CDKAL1: variants seen among roughly 807,000 people sequenced by gnomAD.
The protein encoded by CDKAL1 is CDKAL1 threonylcarbamoyladenosine tRNA methylthiotransferase, also known as threonylcarbamoyladenosine tRNA methylthiotransferase.
Under a neutral mutation model 68.2 loss-of-function variants are expected in CDKAL1, and 32 were observed. The ratio of observed to expected loss-of-function variants is 0.47; its 90% CI spans 0.35 to 0.63. CDKAL1 has a LOEUF of 0.63. CDKAL1 is among the 30% of genes least tolerant of loss of function. The probability of loss-of-function intolerance (pLI) is 0.00; values close to 1 mark genes in which losing one functional copy is unlikely to be tolerated. For synonymous variants in CDKAL1, 234 were observed against 244.3 expected (o/e 0.96, Z 0.39); for missense variants, 606 against 696.7 (o/e 0.87, Z 1.47).
chr6:20,935,284 C>T (rs949962740), intron 9 of CDKAL1, among the ~76,000 whole-genome samples: 1 of 152,066 alleles, frequency 6.6e-6, no homozygotes. Flanking sequence ...GAACTTTTAG[C>T]CTTCTCTAAG....
At chr6:21,196,938 A>G (rs1276170044) in intron 13 of CDKAL1, among the ~76,000 whole-genome samples, 1 of 152,130 alleles carries the variant, frequency 6.6e-6, no homozygotes, top group African/African-American at 2.4e-5. Flanking sequence ...CAGGCGGATC[A>G]CCTGAGGTCA....
intron 13 of CDKAL1, among the ~76,000 whole-genome samples, chr6:21,172,214 A>C (rs1444539524): frequency 1.3e-5 from 2 of 152,168 alleles, no homozygotes; most frequent in African/African-American, 4.8e-5. Flanking sequence ...CACTTGGTCA[A>C]AGTGGTATCA....
intron 8 of CDKAL1, among the ~76,000 whole-genome samples, chr6:20,838,499 C>T (rs1452625384): frequency 2.6e-5 from 4 of 152,188 alleles, no homozygotes; most frequent in Non-Finnish European, 4.4e-5. Context: ...AAAATAACAA[C>T]GAAGGTGGAA....
chr6:20,939,092 A>G (rs1763857321), intron 9 of CDKAL1, among the ~76,000 whole-genome samples: 1 of 152,168 alleles, frequency 6.6e-6, no homozygotes, highest in African/African-American at 2.4e-5. Flanking sequence ...TCACTGTCCT[A>G]TTACAAGAGT....
At chr6:21,113,493 G>T (rs1774228009) in intron 13 of CDKAL1, among the ~76,000 whole-genome samples, 1 of 151,604 alleles carries the variant, frequency 6.6e-6, no homozygotes, top group Admixed American at 6.6e-5. Context: ...AAAAAAACGG[G>T]GTTTTTTTGT....
intron 9 of CDKAL1, among the ~76,000 whole-genome samples, chr6:20,909,406 T>C (rs541699678): frequency 1.3e-5 from 2 of 152,224 alleles, no homozygotes; most frequent in South Asian, 2.1e-4. Context: ...ATTAATCCAG[T>C]GAGTCTTTAC....
intron 8 of CDKAL1, among the ~76,000 whole-genome samples, chr6:20,823,818 T>C (rs1426428117): frequency 6.6e-6 from 1 of 152,154 alleles, no homozygotes; most frequent in Non-Finnish European, 1.5e-5. Context: ...ATTTTGTAAA[T>C]GGAAATACCA....
intron 11 of CDKAL1, among the ~76,000 whole-genome samples, chr6:21,025,458 A>G (rs963109173): frequency 6.6e-6 from 1 of 152,152 alleles, no homozygotes; most frequent in Non-Finnish European, 1.5e-5. Flanking sequence ...AAGAAATGCA[A>G]AAGTGGATGA....
intron 11 of CDKAL1, among the ~76,000 whole-genome samples, chr6:21,018,351 T>TTA (rs1342564021): frequency 6.6e-6 from 1 of 152,224 alleles, no homozygotes; most frequent in Non-Finnish European, 1.5e-5. Flanking sequence ...TCTGGTATAC[T>TTA]TATAGAGAGG....
rs187395542 is a variant in CDKAL1 at position 20,960,760 on chromosome 6, A to G, written c.909+5175A>G. Among the ~76,000 whole-genome samples the G allele has an allele frequency of 1.6e-3, 246 of 152,352 alleles. 1 individual carries two copies. Among genetic ancestry groups the G allele is most frequent in the South Asian group, 2.3e-3 (11 of 4,830 alleles). The stretch of plus-strand genomic sequence containing the variant: ...TTGGAAGAGTTTGGGAACGGTTGTC[A>G]TATATGTTTCTCATGAGTCACATTT... On this transcript the variant is annotated intron_variant, in intron 10 of 15. Coordinates refer to ENST00000274695, the MANE Select transcript of CDKAL1 (RefSeq NM_017774.3).
At chr6:20,551,140 C>A (rs919957279) in intron 4 of CDKAL1, among the ~76,000 whole-genome samples, 1 of 152,026 alleles carries the variant, frequency 6.6e-6, no homozygotes, top group South Asian at 2.1e-4. Context: ...GCTGGGATTA[C>A]AGGCGTGAGC....
chr6:20,999,314 T>C (rs1767294148), intron 10 of CDKAL1, among the ~76,000 whole-genome samples: 1 of 151,924 alleles, frequency 6.6e-6, no homozygotes, highest in Non-Finnish European at 1.5e-5. Flanking sequence ...TTCAAATCGA[T>C]GACCTGACAG....
chr6:20,589,373 G>A (rs1025543488), intron 4 of CDKAL1, among the ~76,000 whole-genome samples: 1 of 152,156 alleles, frequency 6.6e-6, no homozygotes, highest in Non-Finnish European at 1.5e-5. Context: ...TGTTCTGCAC[G>A]TTCTGAGAAG....
intron 9 of CDKAL1, among the ~76,000 whole-genome samples, chr6:20,904,543 A>C (rs1414832427): frequency 1.3e-5 from 2 of 152,114 alleles, no homozygotes; most frequent in African/African-American, 4.8e-5. Flanking sequence ...TAATCCCAGC[A>C]CTTTGGGAGG....
intron 13 of CDKAL1, among the ~76,000 whole-genome samples, chr6:21,124,427 G>T (rs1006384648): frequency 2.0e-5 from 3 of 151,960 alleles, no homozygotes; most frequent in African/African-American, 7.3e-5. Context: ...ACAGACTCGG[G>T]GGCATTTCCT....
At chr6:20,648,564 G>A (rs1398546632) in intron 4 of CDKAL1, among the ~76,000 whole-genome samples, 1 of 152,156 alleles carries the variant, frequency 6.6e-6, no homozygotes, top group Non-Finnish European at 1.5e-5. Context: ...CTTAGTTCAT[G>A]TCATTTGATC....
chr6:21,077,643 C>T (rs927353835), intron 12 of CDKAL1, among the ~76,000 whole-genome samples: 1 of 152,170 alleles, frequency 6.6e-6, no homozygotes, highest in Non-Finnish European at 1.5e-5. Flanking sequence ...TACACTTTTA[C>T]AACAACCAGA....
At chr6:21,043,596 C>A (rs376542635) in intron 11 of CDKAL1, among the ~76,000 whole-genome samples, 39 of 152,230 alleles carry the variant, frequency 2.6e-4, no homozygotes, top group Admixed American at 2.4e-3. Flanking sequence ...TTTGTCTCTG[C>A]ACTTTTATGG....
intron 12 of CDKAL1, among the ~76,000 whole-genome samples, chr6:21,082,064 ACT>A (rs2150958391): frequency 6.7e-6 from 1 of 149,844 alleles, no homozygotes; most frequent in Admixed American, 6.8e-5. Flanking sequence ...CTCTTTTAAA[ACT>A]CTTGCCCCTT....
Sources: gnomAD v4.1 joint callset for allele counts (sites outside exome capture counted in the v4.1 genomes callset) on GRCh38, gnomAD v4.1.1 for gene constraint, MANE v1.5 for transcripts, NCBI Gene and HGNC (gene_info 2026-07-23, HGNC 2026-07-21) for gene names.